ASB2: variants seen among roughly 807,000 people sequenced by gnomAD.
ASB2 encodes ankyrin repeat and SOCS box protein 2.
ASB2 carries 58 observed loss-of-function variants against 62.4 expected under a neutral mutation model. The observed-to-expected ratio is 0.93, with a 90% CI of 0.75 to 1.16. The LOEUF is 1.16. ASB2 is among the 50% of genes most tolerant of loss of function. The pLI is 0.00. For synonymous variants in ASB2, 386 were observed against 385.3 expected (o/e 1.00, Z -0.02); for missense variants, 928 against 887.9 (o/e 1.05, Z -0.57).
chr14:93,939,621 G>A lies in ASB2; in HGVS notation c.1104C>T (p.Ser368=), dbSNP rs1383682316. The change falls in exon 8 of 10, where the codon AGC becomes AGT. Residue 368 remains serine, a synonymous_variant. Transcript: ENST00000555019. ...PVTSRTRIRR[S]GVSPLHLAAE... is the part of the protein sequence containing the mutation. ...CCGCCAGGTGCAGCGGACTGACGCC[G>A]CTACGGCGTATGCGCGTGCGGCTGG... 5.8e-6 allele frequency: 9 copies of A among 1,547,234 alleles called. No individual in the cohort carries two copies. The highest frequency in any genetic ancestry group is 6.9e-6 in the Non-Finnish European group (8 of 1,154,218).
At chr14:93,947,255 G>T in intron 7 of ASB2, 94 bp downstream of exon 7, 3 of 1,370,442 alleles carry the variant, frequency 2.2e-6, no homozygotes, top group Non-Finnish European at 2.0e-6. Context: ...AATCCTGTGG[G>T]TGGGACATTC....
At chr14:93,940,465 G>A (rs1391997998) in intron 7 of ASB2, 1 of 152,194 alleles carries the variant, frequency 6.6e-6, no homozygotes, top group African/African-American at 2.4e-5. Flanking sequence ...GGACCCCAGT[G>A]GAGCCACGAG....
chr14:93,967,699 G>C (rs149769286), intron 1 of ASB2, among the ~76,000 whole-genome samples: 106 of 152,262 alleles, frequency 7.0e-4, no homozygotes, highest in African/African-American at 2.4e-3. Flanking sequence ...GAGACGTTTG[G>C]TTTGGCTCTG....
chr14:93,934,577 C>A lies in ASB2; in HGVS notation c.*79G>T. The A allele has an allele frequency of 6.7e-7, 1 of 1,488,230 alleles. No homozygotes were observed. Among genetic ancestry groups the A allele is most frequent in the Admixed American group, 1.7e-5 (1 of 58,626 alleles). 92.2% of individuals were successfully genotyped at this position (1,488,230 alleles called of 1,614,324 possible). A position where few individuals can be genotyped will look rare whatever the true frequency, so the allele number is the denominator to read the frequency against. On this transcript the variant is annotated 3_prime_UTR_variant, in exon 10 of 10. Coordinates refer to ENST00000555019, the MANE Select transcript of ASB2 (RefSeq NM_001202429.2). The stretch of plus-strand genomic sequence containing the variant: ...GCAGCCTCGTCTGTCACCAGGTCCC[C>A]TTGGAGTTGGGAACACCGACGTCCT...
intron 7 of ASB2, among the ~76,000 whole-genome samples, chr14:93,944,728 G>C (rs1364071609): frequency 6.6e-6 from 1 of 152,226 alleles, no homozygotes; most frequent in Non-Finnish European, 1.5e-5. Context: ...TGGGGCCCGG[G>C]GGTGGAGGTT....
In ASB2 at chr14:93,934,477, T is replaced by C. The variant is rs1230972745; in HGVS notation, c.*179A>G. 1 of 607,616 alleles carries C rather than the reference T, an allele frequency of 1.6e-6. No individual in the cohort carries two copies. The highest frequency in any genetic ancestry group is 1.9e-5 in the African/African-American group (1 of 51,792). 37.6% of individuals were successfully genotyped at this position (607,616 alleles called of 1,614,324 possible). The stretch of plus-strand genomic sequence containing the variant: ...CTTCTCCTTGACACATTCTGTTCTC[T>C]GCTCTGGCCAAAGCTCTGGGCCCTG... On this transcript the variant is annotated 3_prime_UTR_variant, in exon 10 of 10. Transcript: ENST00000555019.
chr14:93,955,264 T>G (rs1889143477), intron 3 of ASB2: 1 of 420,828 alleles, frequency 2.4e-6, no homozygotes, highest in Non-Finnish European at 4.8e-6. Context: ...TGGGCTAGGA[T>G]GGGCTCTGGG....
intron 6 of ASB2, among the ~76,000 whole-genome samples, chr14:93,947,820 C>G (rs1312179278): frequency 1.3e-5 from 2 of 151,810 alleles, no homozygotes; most frequent in Non-Finnish European, 2.9e-5. Flanking sequence ...ATGGTGAAAC[C>G]CTGTCTTTAC....
chr14:93,957,958 G>A (rs1889283989), intron 2 of ASB2, among the ~76,000 whole-genome samples: 1 of 152,086 alleles, frequency 6.6e-6, no homozygotes, highest in Non-Finnish European at 1.5e-5. Context: ...CACCCTGTGG[G>A]GCATGGGGTA....
chr14:93,938,147 G>C (rs1051121678), intron 8 of ASB2, among the ~76,000 whole-genome samples: 4 of 151,314 alleles, frequency 2.6e-5, no homozygotes, highest in African/African-American at 9.7e-5. Flanking sequence ...TTTGCACACA[G>C]TAGGCAGCCC....
chr14:93,974,286 TC>T (rs1360978391), intron 1 of ASB2, among the ~76,000 whole-genome samples: 2 of 152,146 alleles, frequency 1.3e-5, no homozygotes, highest in Non-Finnish European at 2.9e-5. Flanking sequence ...CAGCACCACC[TC>T]CCCAAAAACA....
intron 5 of ASB2, 135 bp from the exon 6 acceptor site, chr14:93,951,379 C>T (rs12885449): frequency 0.18 from 188,570 of 1,063,606 alleles, 17,238 homozygotes; most frequent in African/African-American, 0.23. Flanking sequence ...GTTCCAATCC[C>T]TGCATTGAAC....
chr14:93,941,531 G>A (rs1340364466), intron 7 of ASB2: 1 of 403,578 alleles, frequency 2.5e-6, no homozygotes, highest in East Asian at 7.3e-5. Flanking sequence ...ACACCCGGGG[G>A]GCTAATTGCC....
chr14:93,972,004 G>A (rs903023238), intron 1 of ASB2, among the ~76,000 whole-genome samples: 3 of 147,858 alleles, frequency 2.0e-5, no homozygotes, highest in Non-Finnish European at 4.5e-5. Flanking sequence ...TAACATATAA[G>A]TATATAATAG....
intron 7 of ASB2, among the ~76,000 whole-genome samples, chr14:93,942,791 T>G (rs998479044): frequency 6.6e-6 from 1 of 152,222 alleles, no homozygotes; most frequent in African/African-American, 2.4e-5. Context: ...AGCGCAAGCA[T>G]GTCACTTAAC....
chr14:93,973,474 G>A (rs757574044), intron 1 of ASB2, among the ~76,000 whole-genome samples: 3 of 152,152 alleles, frequency 2.0e-5, no homozygotes, highest in Non-Finnish European at 4.4e-5. Context: ...TTTGAATGTG[G>A]AAAGTGCCCT....
chr14:93,944,756 G>A (rs748281295), intron 7 of ASB2, among the ~76,000 whole-genome samples: 11 of 152,300 alleles, frequency 7.2e-5, no homozygotes, highest in South Asian at 2.1e-4. Context: ...CAGGGAATTC[G>A]CCCTGGGAAT....
Position 93,956,722 on chromosome 14 carries a change from G to A in ASB2, c.311+44C>T, listed in dbSNP as rs78195077. The stretch of plus-strand genomic sequence containing the variant: ...CACCCTCCCTGCCATCCCAGTTAGC[G>A]GAGTGAACTTGGATGGTCCTGGGGC... On this transcript the variant is annotated intron_variant, in intron 3 of 9. Coordinates refer to ENST00000555019, the MANE Select transcript of ASB2 (RefSeq NM_001202429.2). The A allele has an allele frequency of 8.5e-4, 1,370 of 1,608,000 alleles. 7 individuals carry two copies. The highest frequency in any genetic ancestry group is 8.4e-3 in the African/African-American group (631 of 74,918).
At chr14:93,944,355 C>T (rs140040318) in intron 7 of ASB2, among the ~76,000 whole-genome samples, 9 of 152,364 alleles carry the variant, frequency 5.9e-5, no homozygotes, top group Non-Finnish European at 1.0e-4. Flanking sequence ...ACTGCGACAT[C>T]GGGACTTTAG....
Sources: gnomAD v4.1 joint callset for allele counts (sites outside exome capture counted in the v4.1 genomes callset) on GRCh38, gnomAD v4.1.1 for gene constraint, MANE v1.5 for transcripts, NCBI Gene and HGNC (gene_info 2026-07-23, HGNC 2026-07-21) for gene names.